SACS: variants seen among roughly 807,000 people sequenced by gnomAD.
The protein encoded by SACS is sacsin.
Under a neutral mutation model 348.0 loss-of-function variants are expected in SACS, and 197 were observed. The ratio of observed to expected loss-of-function variants is 0.57; its 90% CI spans 0.50 to 0.64. The LOEUF (loss-of-function observed/expected upper bound fraction) is 0.64, where lower values mean the gene tolerates loss of function less well. SACS is among the 30% of genes least tolerant of loss of function. SACS has a pLI of 0.00. For missense variants in SACS, 4,999 were observed against 5,360.8 expected, an observed-to-expected ratio of 0.93 and a Z score of 2.11; for synonymous variants, 1,985 against 1,910.6, an observed-to-expected ratio of 1.04 and a Z score of -1.02.
In SACS at chr13:23,329,253, GTTT is replaced by G; in HGVS notation, c.*880_*882del. On this transcript the variant is annotated 3_prime_UTR_variant, in exon 10 of 10. Transcript: ENST00000382292. ...ACATGCCATATTGAAAGAAAAGGTT[GTTT>G]TTTTTTTAACTGCAGCACCTTTAGA... 3 of 457,308 alleles carry G rather than the reference GTTT, an allele frequency of 6.6e-6. No homozygotes were observed. The South Asian group carries it at 1.1e-4, about 17-fold the overall frequency. 28.3% of individuals were successfully genotyped at this position (457,308 alleles called of 1,614,324 possible). A position where few individuals can be genotyped will look rare whatever the true frequency, so the allele number is the denominator to read the frequency against.
At chr13:23,389,994 G>T (rs576148958) in intron 2 of SACS, among the ~76,000 whole-genome samples, 52 of 151,654 alleles carry the variant, frequency 3.4e-4, no homozygotes, top group Non-Finnish European at 5.5e-4. Context: ...CAATTATGGA[G>T]TTTTATATTT....
chr13:23,419,296 G>C (rs918177035), intron 1 of SACS: 2 of 152,414 alleles, frequency 1.3e-5, no homozygotes, highest in East Asian at 3.8e-4. Flanking sequence ...GGGAAGCTTC[G>C]GCAAGGTAAG....
At chr13:23,362,716 G>C (rs1314543526) in intron 6 of SACS, among the ~76,000 whole-genome samples, 1 of 150,414 alleles carries the variant, frequency 6.6e-6, no homozygotes, top group Non-Finnish European at 1.5e-5. Flanking sequence ...CTCCTGAGTA[G>C]CTGGGATTAC....
chr13:23,369,394 A>C (rs1479150835), intron 4 of SACS, among the ~76,000 whole-genome samples: 1 of 152,224 alleles, frequency 6.6e-6, no homozygotes, highest in Non-Finnish European at 1.5e-5. Flanking sequence ...TCAAATACAC[A>C]GCATTTCAAA....
intron 9 of SACS, among the ~76,000 whole-genome samples, chr13:23,347,368 G>A (rs946653773): frequency 6.6e-6 from 1 of 151,888 alleles, no homozygotes; most frequent in African/African-American, 2.4e-5. Flanking sequence ...ATTGTTCCAC[G>A]AACATCTATC....
chr13:23,362,551 C>T (rs1394613561), intron 6 of SACS, among the ~76,000 whole-genome samples: 1 of 150,406 alleles, frequency 6.6e-6, no homozygotes, highest in Non-Finnish European at 1.5e-5. Flanking sequence ...GATCAGAGAT[C>T]ACTGCCACCT....
In SACS at chr13:23,334,473, A is replaced by C; in HGVS notation, c.9403T>G (p.Leu3135Val). 6.2e-7 allele frequency: 1 copy of C among 1,612,814 alleles called. No homozygotes were observed. The highest frequency in any genetic ancestry group is 8.5e-7 in the Non-Finnish European group (1 of 1,179,732). The change falls in exon 10 of 10, where the codon TTA (leucine) becomes GTA (valine). Residue 3135 changes from leucine (L) to valine (V), a missense_variant. Transcript: ENST00000382292. ...GCATCTTTAAAACAATAATCAACTA[A>C]AAGTTTTAAACTATGAAAAAGTTTT... ...NLKLFHSLKL[L>V]VDYCFKDAEE...
chr13:23,329,240 G>T lies in SACS; in HGVS notation c.*896C>A. 2.0e-6 allele frequency: 1 copy of T among 500,948 alleles called. No individual in the cohort carries two copies. Among genetic ancestry groups the T allele is most frequent in the Non-Finnish European group, 3.5e-6 (1 of 286,614 alleles). 31.0% of individuals were successfully genotyped at this position (500,948 alleles called of 1,614,324 possible). ...AAAAAACTCCACTACATGCCATATTGAAAGAAAAGGTTGTTTTTTTTTTAA... is the reference window on the plus strand; with the variant it reads ...AAAAAACTCCACTACATGCCATATTTAAAGAAAAGGTTGTTTTTTTTTTAA... On this transcript the variant is annotated 3_prime_UTR_variant, in exon 10 of 10. Coordinates refer to ENST00000382292, the MANE Select transcript of SACS (RefSeq NM_014363.6).
chr13:23,401,255 T>C lies in SACS; in HGVS notation c.20+9965A>G, dbSNP rs187941549. On this transcript the variant is annotated intron_variant, in intron 2 of 9. Coordinates refer to ENST00000382292, the MANE Select transcript of SACS (RefSeq NM_014363.6). The stretch of plus-strand genomic sequence containing the variant: ...TAGGGCCAACCTGCCTCCCATTCTA[T>C]TCAAAGTCACTCCTCTGCTCTCTGA... Among the ~76,000 whole-genome samples the C allele has an allele frequency of 2.5e-3, 376 of 152,314 alleles. 2 individuals are homozygous for C. Among genetic ancestry groups the C allele is most frequent in the African/African-American group, 8.6e-3 (356 of 41,552 alleles).
At chr13:23,344,303 C>T (rs1869461660) in intron 9 of SACS, among the ~76,000 whole-genome samples, 1 of 152,126 alleles carries the variant, frequency 6.6e-6, no homozygotes, top group South Asian at 2.1e-4. Flanking sequence ...ACCCAATAGC[C>T]TTGCATGAAA....
In SACS at chr13:23,354,852, G is replaced by C. The variant is rs762515688; in HGVS notation, c.1760C>G (p.Thr587Arg). ...FSELDENLEY[T>R]KTVLNYLQSS... ...CTGGAGGTAGTTGAGCACAGTTTTT[G>C]TGTATTCTAAATTTTCATCAAGTTC... Residue 587 changes from threonine to arginine, a missense_variant, in exon 8 of 10, where the codon ACA (threonine) becomes AGA (arginine). Physicochemically the swap from Thr to Arg is moderately conservative, Grantham distance 71. Coordinates refer to ENST00000382292, the MANE Select transcript of SACS (RefSeq NM_014363.6). 4 of 1,614,168 alleles carry C rather than the reference G, an allele frequency of 2.5e-6. No homozygotes were observed. In the Admixed American group the frequency reaches 5.0e-5, roughly 20 times the overall value.
intron 2 of SACS, chr13:23,375,493 G>A (rs1788489731): frequency 2.6e-6 from 3 of 1,142,448 alleles, no homozygotes; most frequent in Admixed American, 4.8e-5. Context: ...GTACGCAGCA[G>A]CCCGCGCCGA....
chr13:23,357,313 C>T (rs1870456144), intron 7 of SACS, among the ~76,000 whole-genome samples: 1 of 152,110 alleles, frequency 6.6e-6, no homozygotes, highest in African/African-American at 2.4e-5. Flanking sequence ...TATTAATATT[C>T]ATAGATAATA....
In SACS at chr13:23,335,079, A is replaced by G. The variant is rs748326759; in HGVS notation, c.8797T>C (p.Tyr2933His). 7 of 1,613,556 alleles carry G rather than the reference A, an allele frequency of 4.3e-6. No homozygotes were observed. The highest frequency in any genetic ancestry group is 4.2e-6 in the Non-Finnish European group (5 of 1,179,640). The change falls in exon 10 of 10, where the codon TAT (tyrosine) becomes CAT (histidine). Residue 2933 changes from tyrosine to histidine, a missense_variant. Transcript: ENST00000382292. The surrounding 1 kb of genome is among the most constrained non-coding windows in gnomAD (Gnocchi z 4.7). ...AATGTTGGATCAGAACCAGGGAAATACCGTTTTTTTAACTGTATTAGCAAT... is the reference window on the plus strand; with the variant it reads ...AATGTTGGATCAGAACCAGGGAAATGCCGTTTTTTTAACTGTATTAGCAAT... ...VELLIQLKKR[Y>H]FPGSDPTLSV...
At chr13:23,404,328 A>C (rs959058403) in intron 2 of SACS, among the ~76,000 whole-genome samples, 1 of 152,230 alleles carries the variant, frequency 6.6e-6, no homozygotes, top group African/African-American at 2.4e-5. Context: ...AAACCACGTG[A>C]TTATCTCAAT....
Position 23,334,346 on chromosome 13 carries a change from T to G in SACS, c.9530A>C (p.Tyr3177Ser). Residue 3177 changes from tyrosine (Y) to serine (S), a missense_variant, in exon 10 of 10, where the codon TAT (tyrosine) becomes TCT (serine). Tyr to Ser is a moderately radical substitution (Grantham distance 144). This residue lies in a region of SACS where 734 missense variants were observed against 694.0 expected (regional missense o/e 1.06). Transcript: ENST00000382292. ...TTTGCGGGATGGAATCAATTCATGA[T>G]ATGTTGTTAGAAACTTGGGTCGTTT... ...DAKRPKFLTT[Y>S]HELIPSRKDL... is the part of the protein sequence containing the mutation. 6.2e-7 allele frequency: 1 copy of G among 1,612,340 alleles called. No individual in the cohort carries two copies. The highest frequency in any genetic ancestry group is 8.5e-7 in the Non-Finnish European group (1 of 1,179,114).
At chr13:23,393,792 G>A (rs1194224014) in intron 2 of SACS, among the ~76,000 whole-genome samples, 9 of 151,338 alleles carry the variant, frequency 5.9e-5, no homozygotes, top group Admixed American at 2.0e-4. Flanking sequence ...ACGGAGTCTC[G>A]CACTGTCACC....
chr13:23,402,177 C>CAA (rs1447906813), intron 2 of SACS, among the ~76,000 whole-genome samples: 7 of 128,332 alleles, frequency 5.5e-5, no homozygotes, highest in Admixed American at 1.6e-4. Context: ...GACTCCATCT[C>CAA]GAAAAAAAAA....
chr13:23,390,135 G>C (rs1030009821), intron 2 of SACS, among the ~76,000 whole-genome samples: 1 of 151,918 alleles, frequency 6.6e-6, no homozygotes, highest in African/African-American at 2.4e-5. Context: ...AGCTTCTGTA[G>C]GCTTCAAACT....
Sources: gnomAD v4.1 joint callset for allele counts (sites outside exome capture counted in the v4.1 genomes callset) on GRCh38, gnomAD v4.1.1 for gene constraint, gnomAD v4.1.1 regional missense constraint, Gnocchi (gnomAD v3.1) non-coding constraint, MANE v1.5 for transcripts, NCBI Gene and HGNC (gene_info 2026-07-23, HGNC 2026-07-21) for gene names.